The following HPDL variants were observed in gnomAD, a reference collection of about 807,000 sequenced individuals.
The protein encoded by HPDL is 4-hydroxyphenylpyruvate dioxygenase-like protein.
Under a neutral mutation model 9.8 loss-of-function variants are expected in HPDL, and 7 were observed. The observed-to-expected ratio is 0.71, with a 90% CI of 0.41 to 1.34. The LOEUF (loss-of-function observed/expected upper bound fraction) is 1.34. Ranked by LOEUF, HPDL falls within the 40% of genes most tolerant of loss-of-function variation. HPDL has a pLI of 0.01. For synonymous variants in HPDL, 250 were observed against 228.2 expected, an observed-to-expected ratio of 1.10 and a Z score of -0.86; for missense variants, 530 against 495.1, an observed-to-expected ratio of 1.07 and a Z score of -0.67.
In HPDL at chr1:45,328,148, G is replaced by A. The variant is rs1461767361; in HGVS notation, c.1000G>A (p.Asp334Asn). 1.7e-5 allele frequency: 28 copies of A among 1,614,102 alleles called. No homozygotes were observed. Among genetic ancestry groups the A allele is most frequent in the South Asian group, 4.4e-5 (4 of 91,084 alleles). ...QVFTKSLFTE[D>N]TFFLELIQRQ... ...CTTCACCAAGTCCCTTTTTACTGAGGACACTTTCTTCCTGGAGCTGATTCA... is the reference window on the plus strand; with the variant it reads ...CTTCACCAAGTCCCTTTTTACTGAGAACACTTTCTTCCTGGAGCTGATTCA... The change falls in exon 1 of 1, where the codon GAC (aspartate) becomes AAC (asparagine). Residue 334 changes from aspartate (D) to asparagine (N), a missense_variant. Transcript: ENST00000334815.
chr1:45,327,716 C>T lies in HPDL; in HGVS notation c.568C>T (p.Pro190Ser). 1 of 1,611,406 alleles carries T rather than the reference C, an allele frequency of 6.2e-7. No homozygotes were observed. Among genetic ancestry groups the T allele is most frequent in the Non-Finnish European group, 8.5e-7 (1 of 1,178,324 alleles). ...FHDCLGFCHL[P>S]LSPGEDPELG... is the part of the protein sequence containing the mutation. ...CGACTGCCTGGGCTTTTGCCACTTG[C>T]CGCTGAGCCCAGGTGAGGATCCCGA... The change falls in exon 1 of 1, where the codon CCG (proline) becomes TCG (serine). Residue 190 changes from proline (P) to serine (S), a missense_variant. Transcript: ENST00000334815. This position sits in a 1 kb window ranked among gnomAD's most constrained non-coding sequence, Gnocchi z 6.3.
In HPDL at chr1:45,327,411, C is replaced by T; in HGVS notation, c.263C>T (p.Ala88Val). ...AACCTGTGCTTCGACGTGGCGGACG[C>T]CGGCGCTGCAACCCGGGAGCTGGCA... ...ATNLCFDVAD[A>V]GAATRELAAL... The change falls in exon 1 of 1, where the codon GCC (alanine) becomes GTC (valine). Residue 88 changes from alanine (A) to valine (V), a missense_variant. Coordinates refer to ENST00000334815, the MANE Select transcript of HPDL (RefSeq NM_032756.4). This position sits in a 1 kb window ranked among gnomAD's most constrained non-coding sequence, Gnocchi z 6.3. 1 of 1,584,992 alleles carries T rather than the reference C, an allele frequency of 6.3e-7. No individual in the cohort carries two copies. The highest frequency in any genetic ancestry group is 1.1e-5 in the South Asian group (1 of 88,804).
chr1:45,328,516 G>T lies in HPDL; in HGVS notation c.*252G>T, dbSNP rs1644273225. ...ATGTAAGATACAAAGAACAATAAAA[G>T]AATTACACACTAGGAAATAGAACAT... On this transcript the variant is annotated 3_prime_UTR_variant, in exon 1 of 1. Transcript: ENST00000334815. 9.0e-6 allele frequency: 4 copies of T among 442,864 alleles called. No homozygotes were observed. The highest frequency in any genetic ancestry group is 3.5e-5 in the East Asian group (1 of 28,464). The allele number at this position is 442,864 out of a possible 1,614,324, so 27.4% of individuals were successfully genotyped here.
chr1:45,328,241 T>C lies in HPDL; in HGVS notation c.1093T>C (p.Ser365Pro), dbSNP rs1318894907. 2 of 1,613,982 alleles carry C rather than the reference T, an allele frequency of 1.2e-6. No individual in the cohort carries two copies. The highest frequency in any genetic ancestry group is 1.7e-6 in the Non-Finnish European group (2 of 1,179,868). ...TCTGTGGCAGTCCGTACAGGAGCAA[T>C]CTGCCAGGAGCCAGGAAGCCTAAGG... Reference protein sequence around the residue: ...RALWQSVQEQSARSQEA With the variant: ...RALWQSVQEQPARSQEA Residue 365 changes from serine (S) to proline (P), a missense_variant, in exon 1 of 1, where the codon TCT becomes CCT. Transcript: ENST00000334815.
Position 45,328,383 on chromosome 1 carries a change from T to C in HPDL, c.*119T>C. The C allele has an allele frequency of 1.5e-5, 16 of 1,044,996 alleles. No individual in the cohort carries two copies. Among genetic ancestry groups the C allele is most frequent in the Non-Finnish European group, 2.2e-5 (16 of 728,340 alleles). The allele number at this position is 1,044,996 out of a possible 1,614,324, so 64.7% of individuals were successfully genotyped here. On this transcript the variant is annotated 3_prime_UTR_variant, in exon 1 of 1. Transcript: ENST00000334815. ...AGGCTTTGCCTCCGGGGGGCAGGTG[T>C]GACTTCCATTTCATCAGTGCCTGCC...
In HPDL at chr1:45,327,498, C is replaced by G; in HGVS notation, c.350C>G (p.Thr117Ser). ...VRVRDAQGAA[T>S]YAVVSSPAGI... is the part of the protein sequence containing the mutation. ...GTGCGGGACGCGCAGGGTGCCGCCA[C>G]TTACGCCGTGGTCAGCTCGCCTGCC... Residue 117 changes from threonine (T) to serine (S), a missense_variant, in exon 1 of 1, where the codon ACT becomes AGT. By Grantham distance (58) the Thr-to-Ser change is moderately conservative. Transcript: ENST00000334815. The surrounding 1 kb of genome is among the most constrained non-coding windows in gnomAD (Gnocchi z 6.3). 1 of 1,599,030 alleles carries G rather than the reference C, an allele frequency of 6.3e-7. No homozygotes were observed. Among genetic ancestry groups the G allele is most frequent in the Admixed American group, 1.7e-5 (1 of 59,622 alleles).
rs199632752 is a variant in HPDL, at chr1:45,327,282, T to C, written c.134T>C (p.Leu45Pro). ...CGGGAGGTGGACGGCTGGCGGCAGC[T>C]AGCCCTGCGCAGCGGCGACGCGGTC... The part of the protein sequence containing the change: ...ASREVDGWRQ[L>P]ALRSGDAVFL... The change falls in exon 1 of 1, where the codon CTA becomes CCA. Residue 45 changes from leucine to proline, a missense_variant. Transcript: ENST00000334815. The surrounding 1 kb of genome is among the most constrained non-coding windows in gnomAD (Gnocchi z 6.3). 6.3e-7 allele frequency: 1 copy of C among 1,593,362 alleles called. No homozygotes were observed. Among genetic ancestry groups the C allele is most frequent in the Non-Finnish European group, 8.5e-7 (1 of 1,172,276 alleles).
Position 45,326,984 on chromosome 1 carries a change from G to T in HPDL, c.-165G>T, listed in dbSNP as rs915434822. 1.5e-6 allele frequency: 1 copy of T among 658,204 alleles called. No homozygotes were observed. Among genetic ancestry groups the T allele is most frequent in the Non-Finnish European group, 2.3e-6 (1 of 431,744 alleles). The allele number at this position is 658,204 out of a possible 1,614,324, so 40.8% of individuals were successfully genotyped here. ...TGCAGGGAGAACCGCGAGCTCTCAG[G>T]GGTCGGCGGGTGACTTCTTTCCGGA... On this transcript the variant is annotated 5_prime_UTR_variant, in exon 1 of 1. Transcript: ENST00000334815.
chr1:45,327,866 C>G lies in HPDL; in HGVS notation c.718C>G (p.Arg240Gly). 1.3e-6 allele frequency: 2 copies of G among 1,549,176 alleles called. No homozygotes were observed. The highest frequency in any genetic ancestry group is 1.2e-5 in the South Asian group (1 of 80,812). ...TGAGTCCCTTCCGGGGGCGACGACACGACAGGACCAGGTGGAGCAGTTCCT... is the reference window on the plus strand; with the variant it reads ...TGAGTCCCTTCCGGGGGCGACGACAGGACAGGACCAGGTGGAGCAGTTCCT... ...LAESLPGATT[R>G]QDQVEQFLAR... is the part of the protein sequence containing the mutation. Residue 240 changes from arginine to glycine, a missense_variant, in exon 1 of 1, where the codon CGA (arginine) becomes GGA (glycine). Physicochemically the swap from Arg to Gly is moderately radical, Grantham distance 125 (BLOSUM62 -2). Transcript: ENST00000334815. The surrounding 1 kb of genome is among the most constrained non-coding windows in gnomAD (Gnocchi z 6.3).
Position 45,327,380 on chromosome 1 carries a change from G to A in HPDL, c.232G>A (p.Ala78Thr), listed in dbSNP as rs1360472871. The A allele has an allele frequency of 2.5e-6, 4 of 1,585,312 alleles. No homozygotes were observed. The highest frequency in any genetic ancestry group is 3.4e-6 in the Non-Finnish European group (4 of 1,169,762). ...GGATCCGCGTCACGCCGTGCCCAGCGCCACAAACCTGTGCTTCGACGTGGC... is the reference window on the plus strand; with the variant it reads ...GGATCCGCGTCACGCCGTGCCCAGCACCACAAACCTGTGCTTCGACGTGGC... ...GLDPRHAVPSATNLCFDVADA... is the reference protein window; with the variant it reads ...GLDPRHAVPSTTNLCFDVADA... Residue 78 changes from alanine (A) to threonine (T), a missense_variant, in exon 1 of 1, where the codon GCC becomes ACC. Coordinates refer to ENST00000334815, the MANE Select transcript of HPDL (RefSeq NM_032756.4). This position sits in a 1 kb window ranked among gnomAD's most constrained non-coding sequence, Gnocchi z 6.3.
rs745675870 is a variant in HPDL, at chr1:45,327,637, C to T, written c.489C>T (p.His163=). The T allele has an allele frequency of 6.2e-7, 1 of 1,612,574 alleles. No individual in the cohort carries two copies. The highest frequency in any genetic ancestry group is 8.5e-7 in the Non-Finnish European group (1 of 1,179,660). The change falls in exon 1 of 1, where the codon CAC becomes CAT. Residue 163 remains histidine (H), a synonymous_variant. Transcript: ENST00000334815. This position sits in a 1 kb window ranked among gnomAD's most constrained non-coding sequence, Gnocchi z 6.3. ...PGPGWVSRVD[H]LTLACTPGSS... The stretch of plus-strand genomic sequence containing the variant: ...CCGGGTGGGTCAGCCGCGTGGACCA[C>T]CTGACCTTGGCCTGCACCCCCGGCA...
At position 45,327,677 on chromosome 1, in the gene HPDL, T is replaced by C. The variant is rs749254450; in HGVS notation, c.529T>C (p.Leu177=). 51 of 1,610,440 alleles carry C rather than the reference T, an allele frequency of 3.2e-5. No individual in the cohort carries two copies. Among genetic ancestry groups the C allele is most frequent in the South Asian group, 2.4e-4 (22 of 90,866 alleles). The change falls in exon 1 of 1, where the codon TTG becomes CTG. Residue 177 remains leucine, a synonymous_variant. Coordinates refer to ENST00000334815, the MANE Select transcript of HPDL (RefSeq NM_032756.4). The surrounding 1 kb of genome is among the most constrained non-coding windows in gnomAD (Gnocchi z 6.3). ...ACTPGSSPTL[L]RWFHDCLGFC... ...CACCCCCGGCAGCTCCCCCACACTT[T>C]TGCGCTGGTTCCACGACTGCCTGGG...
In HPDL at chr1:45,327,816, G is replaced by A. The variant is rs752112433; in HGVS notation, c.668G>A (p.Ser223Asn). 6.3e-7 allele frequency: 1 copy of A among 1,577,308 alleles called. No homozygotes were observed. Among genetic ancestry groups the A allele is most frequent in the Non-Finnish European group, 8.6e-7 (1 of 1,160,184 alleles). ...RLTALQAQPG[S>N]IVPTLVLAES... ...ACAGCCCTGCAGGCCCAGCCGGGCA[G>A]CATTGTCCCCACTCTTGTTCTGGCT... Residue 223 changes from serine (S) to asparagine (N), a missense_variant, in exon 1 of 1, where the codon AGC (serine) becomes AAC (asparagine). Transcript: ENST00000334815. The surrounding 1 kb of genome is among the most constrained non-coding windows in gnomAD (Gnocchi z 6.3).
In HPDL at chr1:45,327,369, C is replaced by T; in HGVS notation, c.221C>T (p.Ala74Val). The change falls in exon 1 of 1, where the codon GCC (alanine) becomes GTC (valine). Residue 74 changes from alanine (A) to valine (V), a missense_variant. Physicochemically the swap from Ala to Val is moderately conservative, Grantham distance 64 (BLOSUM62 0). Coordinates refer to ENST00000334815, the MANE Select transcript of HPDL (RefSeq NM_032756.4). The surrounding 1 kb of genome is among the most constrained non-coding windows in gnomAD (Gnocchi z 6.3). ...EPLYGLDPRHAVPSATNLCFD... is the reference protein window; with the variant it reads ...EPLYGLDPRHVVPSATNLCFD... Reference sequence around the variant, plus strand: ...CTGTACGGCCTGGATCCGCGTCACGCCGTGCCCAGCGCCACAAACCTGTGC... The same window carrying T: ...CTGTACGGCCTGGATCCGCGTCACGTCGTGCCCAGCGCCACAAACCTGTGC... 1.3e-6 allele frequency: 2 copies of T among 1,583,294 alleles called. No individual in the cohort carries two copies. The highest frequency in any genetic ancestry group is 1.7e-6 in the Non-Finnish European group (2 of 1,168,508).
rs569932851 is a variant in HPDL, at chr1:45,327,250, G to A, written c.102G>A (p.Leu34=). 2.5e-4 allele frequency: 394 copies of A among 1,604,576 alleles called. No individual in the cohort carries two copies. The highest frequency in any genetic ancestry group is 2.5e-5 in the Non-Finnish European group (29 of 1,177,346). The part of the protein sequence containing the change: ...NLQRLFGFQP[L]ASREVDGWRQ... ...AGCGCCTCTTCGGCTTCCAGCCCCTGGCTTCGCGGGAGGTGGACGGCTGGC... is the reference window on the plus strand; with the variant it reads ...AGCGCCTCTTCGGCTTCCAGCCCCTAGCTTCGCGGGAGGTGGACGGCTGGC... The change falls in exon 1 of 1, where the codon CTG becomes CTA. Residue 34 remains leucine (L), a synonymous_variant. Transcript: ENST00000334815. This position sits in a 1 kb window ranked among gnomAD's most constrained non-coding sequence, Gnocchi z 6.3.
Position 45,328,152 on chromosome 1 carries a change from C to T in HPDL, c.1004C>T (p.Thr335Ile). The T allele has an allele frequency of 6.2e-7, 1 of 1,614,266 alleles. No individual in the cohort carries two copies. Among genetic ancestry groups the T allele is most frequent in the African/African-American group, 1.3e-5 (1 of 75,072 alleles). ...ACCAAGTCCCTTTTTACTGAGGACA[C>T]TTTCTTCCTGGAGCTGATTCAGAGG... ...VFTKSLFTED[T>I]FFLELIQRQG... is the part of the protein sequence containing the mutation. The change falls in exon 1 of 1, where the codon ACT (threonine) becomes ATT (isoleucine). Residue 335 changes from threonine to isoleucine, a missense_variant. Physicochemically the swap from Thr to Ile is moderately conservative, Grantham distance 89. Transcript: ENST00000334815.
rs745856770 is a variant in HPDL, at chr1:45,327,857, G to T, written c.709G>T (p.Ala237Ser). ...TLVLAESLPG[A>S]TTRQDQVEQF... is the part of the protein sequence containing the mutation. ...TGTTCTGGCTGAGTCCCTTCCGGGGGCGACGACACGACAGGACCAGGTGGA... is the reference window on the plus strand; with the variant it reads ...TGTTCTGGCTGAGTCCCTTCCGGGGTCGACGACACGACAGGACCAGGTGGA... The change falls in exon 1 of 1, where the codon GCG becomes TCG. Residue 237 changes from alanine to serine, a missense_variant. By Grantham distance (99) the Ala-to-Ser change is moderately conservative. Coordinates refer to ENST00000334815, the MANE Select transcript of HPDL (RefSeq NM_032756.4). The surrounding 1 kb of genome is among the most constrained non-coding windows in gnomAD (Gnocchi z 6.3). 1 of 1,548,400 alleles carries T rather than the reference G, an allele frequency of 6.5e-7. No individual in the cohort carries two copies. The highest frequency in any genetic ancestry group is 8.7e-7 in the Non-Finnish European group (1 of 1,147,178).
Position 45,327,116 on chromosome 1 carries a change from G to A in HPDL, c.-33G>A. 1 of 1,517,354 alleles carries A rather than the reference G, an allele frequency of 6.6e-7. No homozygotes were observed. The highest frequency in any genetic ancestry group is 1.3e-5 in the South Asian group (1 of 78,160). The allele number at this position is 1,517,354 out of a possible 1,614,324, so 94.0% of individuals were successfully genotyped here. On this transcript the variant is annotated 5_prime_UTR_variant, in exon 1 of 1. Transcript: ENST00000334815. The surrounding 1 kb of genome is among the most constrained non-coding windows in gnomAD (Gnocchi z 6.3). The stretch of plus-strand genomic sequence containing the variant: ...CCCCAACCACAAGTAAGCGGCCCCA[G>A]AAGGACAAGTCTAGGTCGCCGTCCA...
chr1:45,327,253 TTCGC>T lies in HPDL; in HGVS notation c.106_109del (p.Ser36GlyfsTer9). The T allele has an allele frequency of 6.2e-7, 1 of 1,604,420 alleles. No individual in the cohort carries two copies. The highest frequency in any genetic ancestry group is 2.2e-5 in the East Asian group (1 of 44,710). The stretch of plus-strand genomic sequence containing the variant: ...GCCTCTTCGGCTTCCAGCCCCTGGC[TTCGC>T]GGGAGGTGGACGGCTGGCGGCAGCT... On this transcript the variant is annotated frameshift_variant, in exon 1 of 1. Coordinates refer to ENST00000334815, the MANE Select transcript of HPDL (RefSeq NM_032756.4). LOFTEE classifies it low-confidence loss of function (END_TRUNC). The surrounding 1 kb of genome is among the most constrained non-coding windows in gnomAD (Gnocchi z 6.3).
Sources: allele counts gnomAD v4.1 joint callset, GRCh38; gene constraint gnomAD v4.1.1; non-coding constraint Gnocchi (gnomAD v3.1); transcripts MANE v1.5; gene names NCBI Gene and HGNC (gene_info 2026-07-23, HGNC 2026-07-21).